Variants in SYNPR observed in about 807,000 individuals in gnomAD.
The protein encoded by SYNPR is synaptoporin.
A neutral mutation model predicts 32.9 loss-of-function variants in SYNPR; 23 were observed. The ratio of observed to expected loss-of-function variants is 0.70; its 90% confidence interval spans 0.50 to 0.99. The LOEUF (loss-of-function observed/expected upper bound fraction) is 0.99, where lower values mean the gene tolerates loss of function less well. SYNPR is among the 50% of genes least tolerant of loss of function. The probability of loss-of-function intolerance (pLI) is 0.00; values close to 1 mark genes in which losing one functional copy is unlikely to be tolerated. For synonymous variants in SYNPR, 146 were observed against 135.9 expected (o/e 1.07, Z -0.52); for missense variants, 318 against 349.3 (o/e 0.91, Z 0.71).
intron 2 of SYNPR, among the ~76,000 whole-genome samples, chr3:63,351,978 C>A (rs2087516267): frequency 6.6e-6 from 1 of 151,912 alleles, no homozygotes; most frequent in Non-Finnish European, 1.5e-5. Flanking sequence ...TGCTGTGGGG[C>A]AATGTGGGAT....
At chr3:63,501,677 G>T (rs1398631044) in intron 3 of SYNPR, among the ~76,000 whole-genome samples, 3 of 152,094 alleles carry the variant, frequency 2.0e-5, no homozygotes, top group Middle Eastern at 6.8e-3. Flanking sequence ...AGTCTTACTT[G>T]GATAAAGTAG....
intron 2 of SYNPR, among the ~76,000 whole-genome samples, chr3:63,428,554 T>C (rs964309357): frequency 2.0e-5 from 3 of 152,180 alleles, no homozygotes; most frequent in African/African-American, 7.2e-5. Context: ...ACAGTAGGCG[T>C]TTATTATTGC....
chr3:63,442,677 C>T (rs182087034), intron 2 of SYNPR, among the ~76,000 whole-genome samples: 1 of 152,122 alleles, frequency 6.6e-6, no homozygotes, highest in Non-Finnish European at 1.5e-5. Context: ...TTGCAGGAGA[C>T]GTCTTTAAGT....
At chr3:63,296,616 G>C (rs2086793655) in intron 2 of SYNPR, among the ~76,000 whole-genome samples, 1 of 152,068 alleles carries the variant, frequency 6.6e-6, no homozygotes, top group Non-Finnish European at 1.5e-5. Context: ...GTACATCTTG[G>C]GCCCAAACCT....
At chr3:63,231,280 G>A (rs1401887706) in intron 1 of SYNPR, among the ~76,000 whole-genome samples, 1 of 151,596 alleles carries the variant, frequency 6.6e-6, no homozygotes, top group Non-Finnish European at 1.5e-5. Flanking sequence ...GCTAAGCTAT[G>A]AGAATGGAAA....
intron 2 of SYNPR, among the ~76,000 whole-genome samples, chr3:63,257,862 G>C (rs1452407673): frequency 6.6e-6 from 1 of 152,054 alleles, no homozygotes; most frequent in African/African-American, 2.4e-5. Flanking sequence ...TAAAATAAAG[G>C]GATGGAGGAA....
chr3:63,242,564 A>T (rs1020143723), intron 1 of SYNPR, among the ~76,000 whole-genome samples: 3 of 152,104 alleles, frequency 2.0e-5, no homozygotes, highest in African/African-American at 7.2e-5. Context: ...AAATCAACTG[A>T]CTTCAAATGA....
chr3:63,402,355 C>T (rs1057275955), intron 2 of SYNPR, among the ~76,000 whole-genome samples: 3 of 152,130 alleles, frequency 2.0e-5, no homozygotes, highest in African/African-American at 7.2e-5. Context: ...GAGGCAGAAT[C>T]TCCCCCAGTT....
chr3:63,434,493 G>A (rs17068555), intron 2 of SYNPR, among the ~76,000 whole-genome samples: 4,988 of 151,962 alleles, frequency 0.033, 256 homozygotes, highest in African/African-American at 0.11. Flanking sequence ...AATGATCAGC[G>A]AAAAAGTCAA....
chr3:63,389,504 T>A (rs1560213843), intron 2 of SYNPR, among the ~76,000 whole-genome samples: 1 of 152,186 alleles, frequency 6.6e-6, no homozygotes, highest in Non-Finnish European at 1.5e-5. Context: ...CTGATACTCT[T>A]TGGTTTTTAT....
intron 2 of SYNPR, among the ~76,000 whole-genome samples, chr3:63,476,401 G>A (rs1485054771): frequency 2.7e-5 from 4 of 147,308 alleles, no homozygotes; most frequent in African/African-American, 1.0e-4. Context: ...AGGAAGGAAG[G>A]GAGGGAGGGA....
At chr3:63,394,704 C>A (rs1037927340) in intron 2 of SYNPR, among the ~76,000 whole-genome samples, 2 of 152,104 alleles carry the variant, frequency 1.3e-5, no homozygotes, top group Non-Finnish European at 1.5e-5. Context: ...CAAGATATAA[C>A]CATACAAAGC....
intron 2 of SYNPR, among the ~76,000 whole-genome samples, chr3:63,345,944 A>G (rs2087432257): frequency 6.6e-6 from 1 of 151,946 alleles, no homozygotes; most frequent in Non-Finnish European, 1.5e-5. Context: ...CTTCTCAAGT[A>G]GCTGGGATTA....
intron 2 of SYNPR, among the ~76,000 whole-genome samples, chr3:63,256,954 G>T (rs2086389618): frequency 6.6e-6 from 1 of 152,168 alleles, no homozygotes; most frequent in Non-Finnish European, 1.5e-5. Flanking sequence ...CGATCAACTG[G>T]AAGAAAGGGT....
intron 4 of SYNPR, among the ~76,000 whole-genome samples, chr3:63,572,845 T>A (rs1702912833): frequency 6.6e-6 from 1 of 152,170 alleles, no homozygotes; most frequent in African/African-American, 2.4e-5. Context: ...TCCAGAAGCC[T>A]CCTAGACTGC....
chr3:63,387,407 T>C (rs1370644562), intron 2 of SYNPR, among the ~76,000 whole-genome samples: 6 of 152,212 alleles, frequency 3.9e-5, no homozygotes, highest in Admixed American at 3.9e-4. Context: ...CTGGCATGTC[T>C]GTCTTAATGA....
chr3:63,524,477 T>A (rs569199083), intron 3 of SYNPR, among the ~76,000 whole-genome samples: 8 of 152,240 alleles, frequency 5.3e-5, no homozygotes, highest in African/African-American at 1.9e-4. Flanking sequence ...TATCATCCTA[T>A]ATTTTAAACA....
At chr3:63,385,838 A>G (rs2088034924) in intron 2 of SYNPR, among the ~76,000 whole-genome samples, 1 of 152,118 alleles carries the variant, frequency 6.6e-6, no homozygotes, top group South Asian at 2.1e-4. Context: ...TCTTTATGTA[A>G]CACATACCAA....
At chr3:63,235,149 A>G (rs557548657) in intron 1 of SYNPR, among the ~76,000 whole-genome samples, 17 of 152,286 alleles carry the variant, frequency 1.1e-4, no homozygotes, top group African/African-American at 4.1e-4. Context: ...AAAGCAAAAC[A>G]ACATTTAGCA....
Sources: gnomAD v4.1 joint callset for allele counts (sites outside exome capture counted in the v4.1 genomes callset) on GRCh38, gnomAD v4.1.1 for gene constraint, MANE v1.5 for transcripts, NCBI Gene and HGNC (gene_info 2026-07-23, HGNC 2026-07-21) for gene names.